HECW1: variants seen among roughly 807,000 people sequenced by gnomAD.
HECW1 encodes E3 ubiquitin-protein ligase HECW1.
In HECW1, 61 loss-of-function variants were observed where a neutral mutation model predicts 182.3. The ratio of observed to expected loss-of-function variants is 0.33; its 90% CI spans 0.27 to 0.41. The LOEUF (loss-of-function observed/expected upper bound fraction) is 0.41. Among genes scored for constraint, HECW1 ranks in the 10% least tolerant of loss-of-function variants. The probability of loss-of-function intolerance (pLI) is 1.00; values close to 1 mark genes in which losing one functional copy is unlikely to be tolerated. For missense variants in HECW1, 1,739 were observed against 2,108.9 expected (o/e 0.82, Z 3.44); for synonymous variants, 859 against 832.6 (o/e 1.03, Z -0.55).
intron 5 of HECW1, among the ~76,000 whole-genome samples, chr7:43,347,589 C>T (rs1341011627): frequency 6.6e-6 from 1 of 151,888 alleles, no homozygotes; most frequent in Non-Finnish European, 1.5e-5. Flanking sequence ...AGTGGTCATC[C>T]TTGTTTTATT....
chr7:43,515,548 A>G (rs933691955), intron 24 of HECW1, among the ~76,000 whole-genome samples: 1 of 152,234 alleles, frequency 6.6e-6, no homozygotes, highest in African/African-American at 2.4e-5. Context: ...AATGGTGGGA[A>G]GTTAAGTATA....
chr7:43,135,252 A>C (rs945451381), intron 2 of HECW1, among the ~76,000 whole-genome samples: 1 of 152,156 alleles, frequency 6.6e-6, no homozygotes, highest in African/African-American at 2.4e-5. Context: ...AATGAGATAA[A>C]TTTGGAAGCT....
At chr7:43,560,641 T>G (rs910333220) in intron 29 of HECW1, among the ~76,000 whole-genome samples, 1 of 152,218 alleles carries the variant, frequency 6.6e-6, no homozygotes, top group Non-Finnish European at 1.5e-5. Flanking sequence ...ACCTGAGTGC[T>G]GCATCAGCCT....
At chr7:43,193,384 T>C (rs1400017802) in intron 2 of HECW1, among the ~76,000 whole-genome samples, 1 of 152,012 alleles carries the variant, frequency 6.6e-6, no homozygotes, top group African/African-American at 2.4e-5. Context: ...TTACTTCACG[T>C]GTTTTCTTTT....
intron 17 of HECW1, among the ~76,000 whole-genome samples, chr7:43,481,770 G>T (rs1442475540): frequency 6.6e-6 from 1 of 152,120 alleles, no homozygotes; most frequent in South Asian, 2.1e-4. Flanking sequence ...AGATCACGAG[G>T]TCAGGAGATC....
chr7:43,299,097 C>T (rs75332670), intron 3 of HECW1, among the ~76,000 whole-genome samples: 2,285 of 152,242 alleles, frequency 0.015, 59 homozygotes, highest in African/African-American at 0.051. Flanking sequence ...ACCGTATCCT[C>T]GAGGCCAGAG....
intron 2 of HECW1, among the ~76,000 whole-genome samples, chr7:43,119,553 T>A (rs1785378150): frequency 6.6e-6 from 1 of 152,222 alleles, no homozygotes. Context: ...ACTGTCTTCA[T>A]GCTCATGATT....
chr7:43,155,737 G>A (rs979137775), intron 2 of HECW1, among the ~76,000 whole-genome samples: 1 of 152,134 alleles, frequency 6.6e-6, no homozygotes, highest in African/African-American at 2.4e-5. Flanking sequence ...CATTTATCAT[G>A]GGATACAATG....
chr7:43,471,282 CTG>C (rs2078013253), intron 16 of HECW1, among the ~76,000 whole-genome samples: 1 of 152,160 alleles, frequency 6.6e-6, no homozygotes, highest in Non-Finnish European at 1.5e-5. Flanking sequence ...AAAGGATATG[CTG>C]CACAGGAGGC....
chr7:43,461,343 A>G (rs546343321), intron 13 of HECW1, among the ~76,000 whole-genome samples: 1 of 152,364 alleles, frequency 6.6e-6, no homozygotes, highest in African/African-American at 2.4e-5. Flanking sequence ...TCCATCACGA[A>G]CTGTTACAAA....
chr7:43,252,326 G>C (rs905778993), intron 3 of HECW1, among the ~76,000 whole-genome samples: 1 of 152,176 alleles, frequency 6.6e-6, no homozygotes, highest in Non-Finnish European at 1.5e-5. Context: ...CCCAGGGCTT[G>C]TGGTTCTTCT....
Position 43,188,829 on chromosome 7 carries a change from G to C in HECW1, c.-31-55046G>C, listed in dbSNP as rs370658021. Among the ~76,000 whole-genome samples, 29 of 152,350 alleles carry C rather than the reference G, an allele frequency of 1.9e-4. No individual in the cohort carries two copies. In the South Asian group the frequency reaches 6.0e-3, roughly 32 times the overall value. ...CTGGGGATACTTGGCCAACAGTACA[G>C]TGCCTTCTGCTAACACCCTCCTGCC... On this transcript the variant is annotated intron_variant, in intron 2 of 29. Coordinates refer to ENST00000395891, the MANE Select transcript of HECW1 (RefSeq NM_015052.5).
intron 8 of HECW1, among the ~76,000 whole-genome samples, chr7:43,420,170 C>T (rs191111367): frequency 3.9e-5 from 6 of 152,266 alleles, no homozygotes; most frequent in Admixed American, 1.3e-4. Context: ...TTCTTTATTA[C>T]GGCTAGCAGA....
chr7:43,234,652 A>C (rs1461788381), intron 2 of HECW1, among the ~76,000 whole-genome samples: 2 of 152,156 alleles, frequency 1.3e-5, no homozygotes, highest in African/African-American at 4.8e-5. Context: ...CCACGTCTTA[A>C]CATTTCATTT....
intron 2 of HECW1, among the ~76,000 whole-genome samples, chr7:43,154,841 A>G (rs1789708617): frequency 6.6e-6 from 1 of 152,208 alleles, no homozygotes; most frequent in Non-Finnish European, 1.5e-5. Context: ...TTTTCTGGAA[A>G]GGTTAGGCAT....
intron 2 of HECW1, among the ~76,000 whole-genome samples, chr7:43,183,128 A>G (rs1793032799): frequency 6.6e-6 from 1 of 152,116 alleles, no homozygotes; most frequent in East Asian, 1.9e-4. Flanking sequence ...AGTTGTGGGG[A>G]AAAAGGCATA....
At chr7:43,266,251 C>T (rs907806145) in intron 3 of HECW1, among the ~76,000 whole-genome samples, 2 of 152,156 alleles carry the variant, frequency 1.3e-5, no homozygotes, top group South Asian at 2.1e-4. Context: ...ACCTCATTAC[C>T]ATAAACTCTG....
At chr7:43,363,997 G>A (rs550051640) in intron 6 of HECW1, among the ~76,000 whole-genome samples, 1 of 152,302 alleles carries the variant, frequency 6.6e-6, no homozygotes, top group African/African-American at 2.4e-5. Context: ...ATGCTGTGAG[G>A]TTTCCCTCTA....
chr7:43,215,860 C>A (rs1562686717), intron 2 of HECW1, among the ~76,000 whole-genome samples: 1 of 152,154 alleles, frequency 6.6e-6, no homozygotes, highest in East Asian at 1.9e-4. Context: ...CATGTCTGTG[C>A]CTCTCTCTGT....
Sources: gnomAD v4.1 joint callset for allele counts (sites outside exome capture counted in the v4.1 genomes callset) on GRCh38, gnomAD v4.1.1 for gene constraint, MANE v1.5 for transcripts, NCBI Gene and HGNC (gene_info 2026-07-23, HGNC 2026-07-21) for gene names.